SGCZ: variants seen among roughly 807,000 people sequenced by gnomAD.
The protein encoded by SGCZ is zeta-sarcoglycan.
In SGCZ, 40 loss-of-function variants were observed where a neutral mutation model predicts 41.3. That is an observed-to-expected ratio of 0.97 (90% confidence interval 0.75 to 1.26). The LOEUF is 1.26. SGCZ is among the 50% of genes most tolerant of loss of function. The pLI, the probability that SGCZ is intolerant of heterozygous loss-of-function variation, is 0.00. For synonymous variants in SGCZ, 206 were observed against 137.5 expected (o/e 1.50, Z -3.49); for missense variants, 552 against 369.8 (o/e 1.49, Z -4.04).
intron 1 of SGCZ, among the ~76,000 whole-genome samples, chr8:14,604,413 A>G (rs1383034553): frequency 1.4e-5 from 2 of 148,040 alleles, no homozygotes; most frequent in African/African-American, 4.9e-5. Flanking sequence ...GACAATCTAT[A>G]AGCCATGATT....
intron 1 of SGCZ, among the ~76,000 whole-genome samples, chr8:14,631,596 C>T (rs149843919): frequency 3.9e-5 from 6 of 152,102 alleles, no homozygotes; most frequent in Admixed American, 2.6e-4. Flanking sequence ...CAGAAAGACA[C>T]TTCTGATATC....
chr8:14,260,958 G>A (rs567104996), intron 3 of SGCZ, among the ~76,000 whole-genome samples: 1 of 152,264 alleles, frequency 6.6e-6, no homozygotes, highest in East Asian at 1.9e-4. Context: ...GGGGTGTGGG[G>A]AGTGGGGAGG....
intron 1 of SGCZ, among the ~76,000 whole-genome samples, chr8:14,953,718 T>C (rs942736681): frequency 6.6e-6 from 1 of 152,120 alleles, no homozygotes; most frequent in Admixed American, 6.6e-5. Flanking sequence ...AACGGGAAAA[T>C]AATGACGCCT....
intron 1 of SGCZ, among the ~76,000 whole-genome samples, chr8:14,962,303 G>C (rs964213059): frequency 6.6e-6 from 1 of 151,824 alleles, no homozygotes; most frequent in African/African-American, 2.4e-5. Context: ...TTTAAGAAAA[G>C]ACATATTGCC....
At chr8:14,628,141 A>G (rs1806524402) in intron 1 of SGCZ, among the ~76,000 whole-genome samples, 1 of 152,052 alleles carries the variant, frequency 6.6e-6, no homozygotes, top group Non-Finnish European at 1.5e-5. Flanking sequence ...TTGGCCATTT[A>G]ATTTCACAAA....
intron 1 of SGCZ, among the ~76,000 whole-genome samples, chr8:14,725,705 A>G (rs912868893): frequency 6.6e-6 from 1 of 152,202 alleles, no homozygotes; most frequent in Non-Finnish European, 1.5e-5. Flanking sequence ...GGACAACGAT[A>G]TCAAGGGAAA....
chr8:14,892,138 T>C (rs1050351499), intron 1 of SGCZ, among the ~76,000 whole-genome samples: 1 of 152,210 alleles, frequency 6.6e-6, no homozygotes, highest in Non-Finnish European at 1.5e-5. Flanking sequence ...TTTTACATTA[T>C]GGCTTCCATA....
intron 5 of SGCZ, among the ~76,000 whole-genome samples, chr8:14,157,524 C>A (rs910046968): frequency 1.9e-4 from 29 of 149,982 alleles, no homozygotes; most frequent in African/African-American, 6.8e-4. Flanking sequence ...CTATTTTTAC[C>A]AAGTGATAAT....
chr8:14,259,977 C>G (rs1164030820), intron 3 of SGCZ, among the ~76,000 whole-genome samples: 3 of 152,192 alleles, frequency 2.0e-5, no homozygotes, highest in Non-Finnish European at 4.4e-5. Flanking sequence ...TTTGTATCCT[C>G]TTTTATTTCC....
At chr8:14,621,607 G>T (rs1292535653) in intron 1 of SGCZ, among the ~76,000 whole-genome samples, 13 of 152,014 alleles carry the variant, frequency 8.6e-5, no homozygotes. Context: ...TACAATCATG[G>T]CAGAAGGTGA....
chr8:15,030,657 C>A (rs1185171880), intron 1 of SGCZ, among the ~76,000 whole-genome samples: 2 of 152,130 alleles, frequency 1.3e-5, no homozygotes, highest in Admixed American at 6.5e-5. Context: ...TGATTCCAGG[C>A]TCCTCTAATA....
rs372431745 is a variant in SGCZ at position 14,324,127 on chromosome 8, A to T, written c.312T>A (p.Tyr104Ter). The T allele has an allele frequency of 6.5e-5, 105 of 1,612,470 alleles. No individual in the cohort carries two copies. The highest frequency in any genetic ancestry group is 8.7e-5 in the Non-Finnish European group (103 of 1,179,150). Reference protein sequence around the residue: ...EGISEFLLPLYVKEIHSRKDS... With the variant: ...EGISEFLLPL ...CCTTTCGAGAATGAATTTCTTTCAC[A>T]TACAATGGAAGTAGAAACTCAGATA... The change falls in exon 3 of 8, where the codon TAT becomes TAA. Residue 104 changes from tyrosine (Y) to a stop codon, truncating the protein, a stop_gained. Transcript: ENST00000382080. LOFTEE classifies it high-confidence loss of function.
At chr8:14,880,791 C>T (rs377765657) in intron 1 of SGCZ, among the ~76,000 whole-genome samples, 14 of 151,892 alleles carry the variant, frequency 9.2e-5, no homozygotes, top group East Asian at 5.8e-4. Context: ...CACCAGACAC[C>T]GGGACCTGTT....
chr8:14,496,947 T>C (rs966800854), intron 2 of SGCZ, among the ~76,000 whole-genome samples: 5 of 152,206 alleles, frequency 3.3e-5, no homozygotes, highest in African/African-American at 1.2e-4. Context: ...TAGGTTCTTT[T>C]AGGTTGTTTA....
At chr8:14,246,929 A>T (rs2117195613) in intron 3 of SGCZ, among the ~76,000 whole-genome samples, 1 of 151,094 alleles carries the variant, frequency 6.6e-6, no homozygotes, top group African/African-American at 2.4e-5. Context: ...AAAAAAAAAA[A>T]AAGTAAAACT....
At chr8:14,610,328 C>T (rs1805886139) in intron 1 of SGCZ, among the ~76,000 whole-genome samples, 1 of 152,222 alleles carries the variant, frequency 6.6e-6, no homozygotes, top group South Asian at 2.1e-4. Flanking sequence ...CCTCCCTCTA[C>T]AAGACAAATG....
chr8:14,100,660 C>T lies in SGCZ; in HGVS notation c.744+1716G>A, dbSNP rs1434679437. Among the ~76,000 whole-genome samples, 9 of 149,370 alleles carry T rather than the reference C, an allele frequency of 6.0e-5. No individual in the cohort carries two copies. The East Asian group carries it at 1.8e-3, about 29-fold the overall frequency. On this transcript the variant is annotated intron_variant, in intron 7 of 7. Coordinates refer to ENST00000382080, the MANE Select transcript of SGCZ (RefSeq NM_139167.4). ...TATTATACATTAGATTGCTAGATCA[C>T]TTATGGTATAATATCTGCTAACACT...
chr8:14,609,016 G>C (rs1371363772), intron 1 of SGCZ, among the ~76,000 whole-genome samples: 1 of 152,160 alleles, frequency 6.6e-6, no homozygotes, highest in Non-Finnish European at 1.5e-5. Flanking sequence ...GTTGCAGAGT[G>C]TCTTCACTGC....
chr8:14,828,101 G>A (rs1206788651), intron 1 of SGCZ, among the ~76,000 whole-genome samples: 3 of 152,156 alleles, frequency 2.0e-5, no homozygotes, highest in East Asian at 1.9e-4. Flanking sequence ...TAATTCTGCT[G>A]AAATTGCAGC....
Sources: gnomAD v4.1 joint callset for allele counts (sites outside exome capture counted in the v4.1 genomes callset) on GRCh38, gnomAD v4.1.1 for gene constraint, MANE v1.5 for transcripts, NCBI Gene and HGNC (gene_info 2026-07-23, HGNC 2026-07-21) for gene names.